The following LRRC71 variants were observed in gnomAD, a reference collection of about 807,000 sequenced individuals.
LRRC71 encodes leucine rich repeat containing 71, also known as leucine-rich repeat-containing protein 71.
Under a neutral mutation model 66.6 loss-of-function variants are expected in LRRC71, and 54 were observed. The ratio of observed to expected loss-of-function variants is 0.81; its 90% CI spans 0.65 to 1.02. The LOEUF is 1.02. Ranked by LOEUF, LRRC71 falls within the 50% of genes least tolerant of loss-of-function variation. The pLI is 0.00. For synonymous variants in LRRC71, 323 were observed against 303.9 expected (o/e 1.06, Z -0.65); for missense variants, 724 against 718.0 (o/e 1.01, Z -0.10).
chr1:156,931,866 G>C lies in LRRC71; in HGVS notation c.1330-50G>C, dbSNP rs1183618164. On this transcript the variant is annotated intron_variant, in intron 12 of 14. Coordinates refer to ENST00000337428, the MANE Select transcript of LRRC71 (RefSeq NM_144702.3). The stretch of plus-strand genomic sequence containing the variant: ...GAATGAATGAATGAATGAATGGCCT[G>C]TTGACCAGCTCCCCTGCTGTCTGCT... The C allele has an allele frequency of 2.1e-6, 3 of 1,409,770 alleles. No individual in the cohort carries two copies. The East Asian group carries it at 7.5e-5, about 35-fold the overall frequency. The allele number at this position is 1,409,770 out of a possible 1,614,324, so 87.3% of individuals were successfully genotyped here.
At chr1:156,938,332 G>T in the LRRC71 span, 1 of 1,281,794 alleles carries the variant, frequency 7.8e-7, no homozygotes, top group Non-Finnish European at 1.1e-6. Context: ...GTGTGTGTGT[G>T]ACCATGGGCA....
In LRRC71 at chr1:156,932,148, C is replaced by G. The variant is rs541585858; in HGVS notation, c.1441+121C>G. On this transcript the variant is annotated intron_variant, in intron 13 of 14. Coordinates refer to ENST00000337428, the MANE Select transcript of LRRC71 (RefSeq NM_144702.3). The stretch of plus-strand genomic sequence containing the variant: ...GTCCTCCCATCTTTGGGCTACATGT[C>G]CCCCAAGGCTCTCTGGCACAGGGCT... 15 of 824,110 alleles carry G rather than the reference C, an allele frequency of 1.8e-5. No individual in the cohort carries two copies. The South Asian group carries it at 2.5e-4, about 14-fold the overall frequency. 51.0% of individuals were successfully genotyped at this position (824,110 alleles called of 1,614,324 possible). A position where few individuals can be genotyped will look rare whatever the true frequency, so the allele number is the denominator to read the frequency against.
At chr1:156,924,800 ATGGGAGACCCTGGCGACGG>A in intron 4 of LRRC71, 82 bp downstream of exon 4, 1 of 1,393,706 alleles carries the variant, frequency 7.2e-7, no homozygotes, top group African/African-American at 1.4e-5. Context: ...ACCAAGGGGC[ATGGGAGACCCTGGCGACGG>A]TGGGGAGGTC....
intron 12 of LRRC71, 77 bp from the exon 13 acceptor site, chr1:156,931,839 T>C (rs1240713030): frequency 1.7e-6 from 2 of 1,164,288 alleles, no homozygotes; most frequent in Non-Finnish European, 2.5e-6. Context: ...AACATGTATG[T>C]TGAATGAATG....
chr1:156,928,563 C>CT (rs58180096), intron 9 of LRRC71, among the ~76,000 whole-genome samples: 5,212 of 80,120 alleles, frequency 0.065, 129 homozygotes, highest in Non-Finnish European at 0.082. Context: ...CTTCTTCTTA[C>CT]TTTTTTTTTT....
chr1:156,920,860 C>T lies in LRRC71; in HGVS notation c.57C>T (p.Thr19=). 2 of 1,541,558 alleles carry T rather than the reference C, an allele frequency of 1.3e-6. No homozygotes were observed. The highest frequency in any genetic ancestry group is 8.7e-7 in the Non-Finnish European group (1 of 1,142,964). The change falls in exon 1 of 15, where the codon ACC becomes ACT. Residue 19 remains threonine, a synonymous_variant. Transcript: ENST00000337428. The surrounding 1 kb of genome is among the most constrained non-coding windows in gnomAD (Gnocchi z 4.9). ...GASPRAPRPG[T]QKSSGAVTKK... ...CACCCAGGGCCCCGCGTCCGGGGAC[C>T]CAGAAGTCTTCTGGCGCGGTGACCA...
intron 1 of LRRC71, 85 bp downstream of exon 1, chr1:156,921,048 TG>T (rs1652283533): frequency 1.4e-6 from 2 of 1,392,798 alleles, no homozygotes; most frequent in African/African-American, 2.9e-5. Context: ...TCCAAGGTTA[TG>T]GCTGAACTCA....
chr1:156,920,811 G>A lies in LRRC71; in HGVS notation c.8G>A (p.Ser3Asn). 6.6e-7 allele frequency: 1 copy of A among 1,523,854 alleles called. No individual in the cohort carries two copies. The highest frequency in any genetic ancestry group is 2.3e-4 in the Middle Eastern group (1 of 4,296). The allele number at this position is 1,523,854 out of a possible 1,614,324, so 94.4% of individuals were successfully genotyped here. Residue 3 changes from serine to asparagine, a missense_variant, in exon 1 of 15, where the codon AGC becomes AAC. Transcript: ENST00000337428. The surrounding 1 kb of genome is among the most constrained non-coding windows in gnomAD (Gnocchi z 4.9). MS[S>N]EQSAPGASPR... ...GCTGCGGACAACACCAGCATGTCGA[G>A]CGAGCAGAGCGCGCCGGGGGCCTCA...
chr1:156,920,924 GT>G lies in LRRC71; in HGVS notation c.123del (p.Leu42CysfsTer62), dbSNP rs1652258249. The G allele has an allele frequency of 6.5e-7, 1 of 1,540,440 alleles. No homozygotes were observed. Among genetic ancestry groups the G allele is most frequent in the Non-Finnish European group, 8.8e-7 (1 of 1,141,876 alleles). The part of the protein sequence containing the change: ...ERAAKEKPAT[V>X]LPPVGEEEPK... ...CGCGGCCAAAGAGAAGCCAGCGACCGTTCTGCCTCCCGTGGGGGAGGAGGAG... is the reference window on the plus strand; with the variant it reads ...CGCGGCCAAAGAGAAGCCAGCGACCGTCTGCCTCCCGTGGGGGAGGAGGAG... On this transcript the variant is annotated frameshift_variant, in exon 1 of 15. Coordinates refer to ENST00000337428, the MANE Select transcript of LRRC71 (RefSeq NM_144702.3). LOFTEE classifies it high-confidence loss of function. This position sits in a 1 kb window ranked among gnomAD's most constrained non-coding sequence, Gnocchi z 4.9.
At chr1:156,929,804 GT>G in intron 11 of LRRC71, 75 bp downstream of exon 11, 1 of 1,279,110 alleles carries the variant, frequency 7.8e-7, no homozygotes, top group South Asian at 1.4e-5. Flanking sequence ...GCAGGAAGCT[GT>G]TCTGGGCCTG....
chr1:156,924,244 G>A (rs1186514532), intron 2 of LRRC71, 146 bp downstream of exon 2: 3 of 1,243,420 alleles, frequency 2.4e-6, no homozygotes, highest in African/African-American at 3.0e-5. Context: ...GGGGAGGTGG[G>A]GGAGTCTCCC....
chr1:156,928,126 T>C (rs1653526471), intron 9 of LRRC71, 122 bp downstream of exon 9: 1 of 953,880 alleles, frequency 1.0e-6, no homozygotes, highest in Middle Eastern at 3.3e-4. Context: ...CTGTCCTGAC[T>C]GTCTTTCCCT....
At chr1:156,938,028 C>T (rs984807548), downstream of LRRC71, among the ~76,000 whole-genome samples, 17 of 152,226 alleles carry the variant, frequency 1.1e-4, no homozygotes, top group Non-Finnish European at 8.8e-5. Context: ...AGAACCACCG[C>T]GGAATCTGGG....
intron 13 of LRRC71, 166 bp from the exon 14 acceptor site, chr1:156,932,258 T>C (rs1290925353): frequency 3.0e-6 from 2 of 666,484 alleles, no homozygotes; most frequent in East Asian, 5.4e-5. Context: ...AGATGGGGAG[T>C]GTGTGAGTAA....
At chr1:156,932,077 C>T (rs1491001928) in intron 13 of LRRC71, 50 bp downstream of exon 13, 1 of 1,448,070 alleles carries the variant, frequency 6.9e-7, no homozygotes, top group Non-Finnish European at 9.5e-7. Flanking sequence ...TACCCGGGCC[C>T]TGTCCTGCCT....
Position 156,923,884 on chromosome 1 carries a change from G to T in LRRC71, c.161-65G>T. ...CTGAGGAGGGCCCCTCCGCCCGCGC[G>T]GGAGAGCTTGGGGATGCGGGGGTGG... is the stretch of plus-strand genomic sequence containing the variant. On this transcript the variant is annotated intron_variant, in intron 1 of 14. Coordinates refer to ENST00000337428, the MANE Select transcript of LRRC71 (RefSeq NM_144702.3). 4.3e-6 allele frequency: 6 copies of T among 1,409,878 alleles called. No homozygotes were observed. The South Asian group carries it at 9.3e-5, about 22-fold the overall frequency. 87.3% of individuals were successfully genotyped at this position (1,409,878 alleles called of 1,614,324 possible). A position where few individuals can be genotyped will look rare whatever the true frequency, so the allele number is the denominator to read the frequency against.
chr1:156,928,498 TCCTC>T (rs1653746758), intron 9 of LRRC71, among the ~76,000 whole-genome samples: 4 of 139,218 alleles, frequency 2.9e-5, no homozygotes, highest in African/African-American at 9.0e-5. Context: ...CTCCTCTTCT[TCCTC>T]CTCCTCCTCC....
At chr1:156,929,813 C>T (rs1654002341) in intron 11 of LRRC71, 84 bp downstream of exon 11, 1 of 1,101,506 alleles carries the variant, frequency 9.1e-7, no homozygotes, top group African/African-American at 1.6e-5. Flanking sequence ...TGTTCTGGGC[C>T]TGGGTGCGCC....
At chr1:156,928,068 A>T (rs1292813806) in intron 9 of LRRC71, 64 bp downstream of exon 9, 8 of 1,456,600 alleles carry the variant, frequency 5.5e-6, no homozygotes, top group Non-Finnish European at 7.5e-6. Flanking sequence ...CCACTCCCCA[A>T]GTCCGCTGCT....
Sources: allele counts gnomAD v4.1 joint callset (sites outside exome capture counted in the v4.1 genomes callset), GRCh38; gene constraint gnomAD v4.1.1; non-coding constraint Gnocchi (gnomAD v3.1); transcripts MANE v1.5; gene names NCBI Gene and HGNC (gene_info 2026-07-23, HGNC 2026-07-21).